The following CDH4 variants were observed in gnomAD, a reference collection of about 807,000 sequenced individuals.
The protein encoded by CDH4 is cadherin-4.
A neutral mutation model predicts 86.0 loss-of-function variants in CDH4; 33 were observed. The ratio of observed to expected loss-of-function variants is 0.38; its 90% confidence interval spans 0.29 to 0.51. The LOEUF is 0.51. Ranked by LOEUF, CDH4 falls within the 20% of genes least tolerant of loss-of-function variation. The pLI is 0.86. For synonymous variants in CDH4, 555 were observed against 549.4 expected (o/e 1.01, Z -0.14); for missense variants, 1,114 against 1,307.4 (o/e 0.85, Z 2.28).
intron 2 of CDH4, among the ~76,000 whole-genome samples, chr20:61,344,478 G>A (rs2084666009): frequency 6.6e-6 from 1 of 152,208 alleles, no homozygotes. Flanking sequence ...TGTTAACATG[G>A]TGAGTTCGAG....
At chr20:61,583,852 G>C (rs1269683926) in intron 2 of CDH4, among the ~76,000 whole-genome samples, 1 of 152,236 alleles carries the variant, frequency 6.6e-6, no homozygotes, top group Non-Finnish European at 1.5e-5. Context: ...CAAGATGACA[G>C]AGTGACTTTT....
At chr20:61,874,764 C>A (rs1299826778) in intron 7 of CDH4, among the ~76,000 whole-genome samples, 1 of 152,210 alleles carries the variant, frequency 6.6e-6, no homozygotes, top group Non-Finnish European at 1.5e-5. Flanking sequence ...TTGCACTGTG[C>A]CCACAGAGGC....
At chr20:61,814,448 C>A (rs748197334) in intron 4 of CDH4, among the ~76,000 whole-genome samples, 1 of 152,158 alleles carries the variant, frequency 6.6e-6, no homozygotes, top group Non-Finnish European at 1.5e-5. Context: ...TGCGGCCGCT[C>A]GACGACGATC....
chr20:61,341,026 C>A (rs751391490), intron 2 of CDH4, among the ~76,000 whole-genome samples: 1 of 152,170 alleles, frequency 6.6e-6, no homozygotes, highest in African/African-American at 2.4e-5. Context: ...CCTTGCCGTC[C>A]GCTACACGAG....
chr20:61,853,809 T>C (rs925135162), intron 6 of CDH4, among the ~76,000 whole-genome samples: 1 of 152,154 alleles, frequency 6.6e-6, no homozygotes, highest in Non-Finnish European at 1.5e-5. Context: ...CTCCCCACTG[T>C]GGCTGCCTCC....
intron 6 of CDH4, among the ~76,000 whole-genome samples, chr20:61,871,330 T>A (rs1430572285): frequency 6.6e-6 from 1 of 152,234 alleles, no homozygotes; most frequent in South Asian, 2.1e-4. Context: ...GCTTCCATCG[T>A]TCCTGTTGAG....
chr20:61,627,718 C>A (rs562161107), intron 2 of CDH4, among the ~76,000 whole-genome samples: 10 of 152,048 alleles, frequency 6.6e-5, no homozygotes, highest in Non-Finnish European at 1.3e-4. Context: ...CGACTTGAGG[C>A]CCAGGCACTT....
At chr20:61,428,656 G>A (rs568727944) in intron 2 of CDH4, among the ~76,000 whole-genome samples, 4 of 152,284 alleles carry the variant, frequency 2.6e-5, no homozygotes, top group South Asian at 4.1e-4. Flanking sequence ...GGAAGGTGCC[G>A]GGATGGGCGT....
intron 3 of CDH4, among the ~76,000 whole-genome samples, chr20:61,755,271 C>CCACA (rs571056841): frequency 1.3e-5 from 2 of 148,390 alleles, no homozygotes; most frequent in African/African-American, 2.5e-5. Flanking sequence ...CATATCAATA[C>CCACA]CACACACACA....
At chr20:61,270,224 G>A (rs182882540) in intron 2 of CDH4, among the ~76,000 whole-genome samples, 3 of 152,352 alleles carry the variant, frequency 2.0e-5, no homozygotes, top group Admixed American at 6.5e-5. Context: ...TCAGGTGTTG[G>A]TATGATTGGA....
At chr20:61,928,112 G>C in intron 11 of CDH4, 78 bp from the exon 12 acceptor site, 1 of 1,097,770 alleles carries the variant, frequency 9.1e-7, no homozygotes. Context: ...TTGTTTGTGT[G>C]CGTGTCCTGT....
chr20:61,519,321 G>C (rs1455756414), intron 2 of CDH4, among the ~76,000 whole-genome samples: 3 of 152,216 alleles, frequency 2.0e-5, no homozygotes, highest in African/African-American at 7.2e-5. Context: ...ACATGAAGCA[G>C]TCATTTCCCA....
At chr20:61,581,454 T>C (rs1397880552) in intron 2 of CDH4, among the ~76,000 whole-genome samples, 1 of 152,148 alleles carries the variant, frequency 6.6e-6, no homozygotes, top group African/African-American at 2.4e-5. Context: ...CCTGGGCTCC[T>C]GGCCCCTCCT....
Position 61,936,959 on chromosome 20 carries a change from C to T in CDH4, c.*16C>T, listed in dbSNP as rs370277325. 71 of 1,545,472 alleles carry T rather than the reference C, an allele frequency of 4.6e-5. No homozygotes were observed. In the African/African-American group the frequency reaches 5.5e-4, roughly 12 times the overall value. ...AGAGGATTGACTGACCTCGCATCTTCGGACCGAAGTGAGAGCCGTGCTCGG... is the reference window on the plus strand; with the variant it reads ...AGAGGATTGACTGACCTCGCATCTTTGGACCGAAGTGAGAGCCGTGCTCGG... On this transcript the variant is annotated 3_prime_UTR_variant, in exon 16 of 16. Transcript: ENST00000614565.
intron 2 of CDH4, among the ~76,000 whole-genome samples, chr20:61,428,797 T>A (rs980775967): frequency 3.2e-4 from 48 of 152,186 alleles, no homozygotes; most frequent in Admixed American, 2.6e-4. Flanking sequence ...TACTTTAATA[T>A]AGATTTTAAC....
chr20:61,253,458 T>C (rs904103584), intron 1 of CDH4, among the ~76,000 whole-genome samples: 1 of 151,796 alleles, frequency 6.6e-6, no homozygotes, highest in Non-Finnish European at 1.5e-5. Flanking sequence ...CCCCCTCTCG[T>C]GGCCGATCGG....
intron 2 of CDH4, among the ~76,000 whole-genome samples, chr20:61,261,338 T>C (rs1407180854): frequency 6.6e-6 from 1 of 152,134 alleles, no homozygotes; most frequent in African/African-American, 2.4e-5. Context: ...GCTACAGAAA[T>C]GAGGATGTGT....
chr20:61,865,009 C>T (rs929794840), intron 6 of CDH4, among the ~76,000 whole-genome samples: 2 of 152,190 alleles, frequency 1.3e-5, no homozygotes, highest in East Asian at 1.9e-4. Context: ...CCTAAATCCA[C>T]CCCTGAGTGG....
At chr20:61,474,418 G>A (rs1041760883) in intron 2 of CDH4, among the ~76,000 whole-genome samples, 6 of 148,724 alleles carry the variant, frequency 4.0e-5, no homozygotes, top group East Asian at 2.0e-4. Flanking sequence ...CAGGCAATCC[G>A]CTCACCTCGG....
Sources: allele counts gnomAD v4.1 joint callset (sites outside exome capture counted in the v4.1 genomes callset), GRCh38; gene constraint gnomAD v4.1.1; transcripts MANE v1.5; gene names NCBI Gene and HGNC (gene_info 2026-07-23, HGNC 2026-07-21).